The following DCBLD2 variants were observed in gnomAD, a reference collection of about 807,000 sequenced individuals.
DCBLD2 encodes discoidin, CUB and LCCL domain containing 2.
A neutral mutation model predicts 86.8 loss-of-function variants in DCBLD2; 54 were observed. The observed-to-expected ratio is 0.62, with a 90% CI of 0.50 to 0.78. The LOEUF (loss-of-function observed/expected upper bound fraction) is 0.78, where lower values mean the gene tolerates loss of function less well. Among genes scored for constraint, DCBLD2 ranks in the 30% least tolerant of loss-of-function variants. The pLI is 0.00. For synonymous variants in DCBLD2, 354 were observed against 341.3 expected (o/e 1.04, Z -0.41); for missense variants, 908 against 954.2 (o/e 0.95, Z 0.64).
At chr3:98,824,887 A>G (rs1015443032) in intron 4 of DCBLD2, among the ~76,000 whole-genome samples, 2 of 152,226 alleles carry the variant, frequency 1.3e-5, no homozygotes, top group Admixed American at 1.3e-4. Context: ...CTCGATTAGA[A>G]GTTGTCTAGG....
chr3:98,815,880 A>C (rs1942010857), intron 9 of DCBLD2: 1 of 152,070 alleles, frequency 6.6e-6, no homozygotes, highest in Non-Finnish European at 1.5e-5. Flanking sequence ...AAAAAAATAA[A>C]GAACGGAGCA....
intron 13 of DCBLD2, among the ~76,000 whole-genome samples, chr3:98,803,882 C>T (rs1374852973): frequency 1.3e-5 from 2 of 152,138 alleles, no homozygotes; most frequent in Non-Finnish European, 2.9e-5. Context: ...GCCTGGCATC[C>T]CAGGGATGAA....
At chr3:98,839,580 A>C (rs191219204) in intron 3 of DCBLD2, among the ~76,000 whole-genome samples, 1 of 152,354 alleles carries the variant, frequency 6.6e-6, no homozygotes, top group Non-Finnish European at 1.5e-5. Context: ...GGTGAAATAA[A>C]GCCTAGTAAA....
At chr3:98,893,117 A>G (rs886746622) in intron 1 of DCBLD2, among the ~76,000 whole-genome samples, 4 of 152,168 alleles carry the variant, frequency 2.6e-5, no homozygotes, top group African/African-American at 9.7e-5. Context: ...GTCTTAGTGG[A>G]ACGGAAACAT....
At chr3:98,830,460 G>A (rs1436641177) in intron 3 of DCBLD2, among the ~76,000 whole-genome samples, 1 of 152,176 alleles carries the variant, frequency 6.6e-6, no homozygotes, top group Non-Finnish European at 1.5e-5. Flanking sequence ...CATATGGCTA[G>A]CCAGTTATCC....
chr3:98,805,614 C>T (rs1379227402), intron 13 of DCBLD2, among the ~76,000 whole-genome samples: 1 of 152,170 alleles, frequency 6.6e-6, no homozygotes, highest in Non-Finnish European at 1.5e-5. Flanking sequence ...TTAATGGTAT[C>T]TGCTCCTTTA....
chr3:98,891,031 T>C (rs1185661204), intron 1 of DCBLD2, among the ~76,000 whole-genome samples: 2 of 151,976 alleles, frequency 1.3e-5, no homozygotes, highest in Non-Finnish European at 2.9e-5. Context: ...ACAGTAAAAA[T>C]GTCAGACAAG....
At chr3:98,870,781 GAAAGAAAGAAAGAAAGAA>G (rs1278352354) in intron 2 of DCBLD2, among the ~76,000 whole-genome samples, 10 of 150,196 alleles carry the variant, frequency 6.7e-5, no homozygotes, top group African/African-American at 2.4e-4. Flanking sequence ...AAGAAAGAAA[GAAAGAAAGAAAGAAAGAA>G]AGAAAGAAAG....
At chr3:98,812,277 C>A in intron 10 of DCBLD2, 55 bp downstream of exon 10, 1 of 1,597,998 alleles carries the variant, frequency 6.3e-7, no homozygotes, top group Non-Finnish European at 8.5e-7. Flanking sequence ...AACAGCAAAA[C>A]CATTTTAAAT....
chr3:98,874,489 C>T (rs1943334549), intron 2 of DCBLD2, among the ~76,000 whole-genome samples: 1 of 152,066 alleles, frequency 6.6e-6, no homozygotes, highest in African/African-American at 2.4e-5. Context: ...ATATCATTAC[C>T]TCCATAGATG....
Position 98,799,712 on chromosome 3 carries a change from T to C in DCBLD2, c.1988A>G (p.Tyr663Cys). The C allele has an allele frequency of 6.2e-7, 1 of 1,614,044 alleles. No homozygotes were observed. Among genetic ancestry groups the C allele is most frequent in the Non-Finnish European group, 8.5e-7 (1 of 1,179,894 alleles). The change falls in exon 16 of 16, where the codon TAT becomes TGT. Residue 663 changes from tyrosine to cysteine, a missense_variant. Coordinates refer to ENST00000326840, the MANE Select transcript of DCBLD2 (RefSeq NM_080927.4). ...TGGGAGTGGTTCAGCATAGGCATGA[T>C]AAACTTCCTGCCCTGGTGAGTTGTA... Reference protein sequence around the residue: ...DPYNSPGQEVYHAYAEPLPIT... With the variant: ...DPYNSPGQEVCHAYAEPLPIT...
chr3:98,815,680 T>C (rs1242418135), intron 9 of DCBLD2: 1 of 152,080 alleles, frequency 6.6e-6, no homozygotes, highest in African/African-American at 2.4e-5. Flanking sequence ...GAGAAAAGCA[T>C]GAGCATGTAA....
At chr3:98,855,939 TCTTA>T (rs1367167691) in intron 2 of DCBLD2, among the ~76,000 whole-genome samples, 1 of 152,210 alleles carries the variant, frequency 6.6e-6, no homozygotes. Context: ...AGGTCCTAGC[TCTTA>T]CTAAGTTGAC....
intron 3 of DCBLD2, among the ~76,000 whole-genome samples, chr3:98,845,529 C>A (rs527319393): frequency 8.5e-5 from 13 of 152,300 alleles, no homozygotes; most frequent in Admixed American, 6.5e-4. Flanking sequence ...CCTCGGACAG[C>A]CTCTTAACGG....
intron 2 of DCBLD2, among the ~76,000 whole-genome samples, chr3:98,865,913 A>T (rs1409381812): frequency 1.5e-5 from 2 of 131,018 alleles, no homozygotes; most frequent in Non-Finnish European, 3.1e-5. Context: ...CCTGTGTCCA[A>T]CTGTTCTCAT....
chr3:98,810,535 T>C (rs1186602485), intron 12 of DCBLD2, among the ~76,000 whole-genome samples: 1 of 152,226 alleles, frequency 6.6e-6, no homozygotes, highest in Non-Finnish European at 1.5e-5. Context: ...CTTAGTCTAC[T>C]ATGACACTGA....
At chr3:98,895,467 G>A (rs1340636994) in intron 1 of DCBLD2, 1 of 152,094 alleles carries the variant, frequency 6.6e-6, no homozygotes, top group Non-Finnish European at 1.5e-5. Context: ...AAAAGGGTGG[G>A]CTTTCACACT....
chr3:98,823,056 A>G (rs1241913354), intron 4 of DCBLD2, among the ~76,000 whole-genome samples: 1 of 152,102 alleles, frequency 6.6e-6, no homozygotes. Flanking sequence ...TATTTTTAGT[A>G]GAGATGGGGT....
intron 2 of DCBLD2, among the ~76,000 whole-genome samples, chr3:98,872,598 T>C (rs1388185091): frequency 6.6e-6 from 1 of 152,050 alleles, no homozygotes; most frequent in Non-Finnish European, 1.5e-5. Flanking sequence ...GGGAAAGAAG[T>C]CTAGTTCATT....
Sources: gnomAD v4.1 joint callset for allele counts (sites outside exome capture counted in the v4.1 genomes callset) on GRCh38, gnomAD v4.1.1 for gene constraint, MANE v1.5 for transcripts, NCBI Gene and HGNC (gene_info 2026-07-23, HGNC 2026-07-21) for gene names.